The following DTWD2 variants were observed in gnomAD, a reference collection of about 807,000 sequenced individuals.
DTWD2 encodes the protein tRNA-uridine aminocarboxypropyltransferase 2.
Under a neutral mutation model 31.8 loss-of-function variants are expected in DTWD2, and 39 were observed. That is an observed-to-expected ratio of 1.22 (90% CI 0.95 to 1.60). The LOEUF (loss-of-function observed/expected upper bound fraction) is 1.60, where lower values mean the gene tolerates loss of function less well. DTWD2 is among the 40% of genes most tolerant of loss of function. The pLI is 0.00. For synonymous variants in DTWD2, 180 were observed against 142.8 expected (o/e 1.26, Z -1.86); for missense variants, 515 against 381.5 (o/e 1.35, Z -2.92).
intron 4 of DTWD2, among the ~76,000 whole-genome samples, chr5:118,926,332 T>C (rs1481796748): frequency 6.6e-6 from 1 of 152,092 alleles, no homozygotes. Context: ...TTCTCACTTA[T>C]AAGTGGGAGC....
chr5:118,951,215 G>A (rs1754456940), intron 1 of DTWD2, among the ~76,000 whole-genome samples: 1 of 152,176 alleles, frequency 6.6e-6, no homozygotes, highest in Non-Finnish European at 1.5e-5. Flanking sequence ...GACTGGGTGT[G>A]AGGAGAGGAG....
Position 118,969,382 on chromosome 5 carries a change from G to C in DTWD2, c.218+18912C>G, listed in dbSNP as rs936091180. ...GATCCTGTTCCCCCTGACTGGGTGA[G>C]AACTCCCAGTAGGGGCTCCAGACAC... On this transcript the variant is annotated intron_variant, in intron 1 of 5. Coordinates refer to ENST00000510708, the MANE Select transcript of DTWD2 (RefSeq NM_173666.4). Among the ~76,000 whole-genome samples the C allele has an allele frequency of 5.9e-5, 9 of 152,182 alleles. No individual in the cohort carries two copies. The East Asian group carries it at 1.5e-3, about 26-fold the overall frequency.
intron 4 of DTWD2, among the ~76,000 whole-genome samples, chr5:118,855,757 C>T (rs1208637270): frequency 6.6e-6 from 1 of 151,950 alleles, no homozygotes; most frequent in Non-Finnish European, 1.5e-5. Flanking sequence ...CTTTTCTAAA[C>T]ATAAAAAATG....
At chr5:118,912,981 C>G (rs1218519985) in intron 4 of DTWD2, among the ~76,000 whole-genome samples, 2 of 152,160 alleles carry the variant, frequency 1.3e-5, no homozygotes. Flanking sequence ...AGTCAACACT[C>G]GGTGCTGATA....
intron 4 of DTWD2, among the ~76,000 whole-genome samples, chr5:118,920,896 T>C (rs1753688755): frequency 6.6e-6 from 1 of 152,216 alleles, no homozygotes; most frequent in African/African-American, 2.4e-5. Flanking sequence ...CCACTAATTA[T>C]CTATGTAACC....
At chr5:118,955,446 C>T (rs1754563852) in intron 1 of DTWD2, among the ~76,000 whole-genome samples, 1 of 152,150 alleles carries the variant, frequency 6.6e-6, no homozygotes, top group Non-Finnish European at 1.5e-5. Flanking sequence ...CTGCTCTCCT[C>T]ATTCTAAAAT....
At chr5:118,885,894 G>A (rs11750860) in intron 4 of DTWD2, among the ~76,000 whole-genome samples, 5,941 of 152,274 alleles carry the variant, frequency 0.039, 160 homozygotes, top group Non-Finnish European at 0.056. Flanking sequence ...TTACCTGGCA[G>A]GTTGAGGCTG....
At chr5:118,873,305 G>A (rs983452240) in intron 4 of DTWD2, among the ~76,000 whole-genome samples, 4 of 152,286 alleles carry the variant, frequency 2.6e-5, no homozygotes, top group East Asian at 1.9e-4. Context: ...AGTCTTGCAC[G>A]TTAGATGGGG....
intron 1 of DTWD2, among the ~76,000 whole-genome samples, chr5:118,947,896 A>G (rs1754374782): frequency 6.6e-6 from 1 of 152,192 alleles, no homozygotes; most frequent in Non-Finnish European, 1.5e-5. Context: ...GATACTATTG[A>G]GGAACTTCAG....
At chr5:118,985,730 T>C (rs1333975950) in intron 1 of DTWD2, among the ~76,000 whole-genome samples, 1 of 152,048 alleles carries the variant, frequency 6.6e-6, no homozygotes, top group Non-Finnish European at 1.5e-5. Context: ...TGATGTCATA[T>C]AATTTAAATA....
At position 118,984,104 on chromosome 5, in the gene DTWD2, T is replaced by A. The variant is rs1377473385; in HGVS notation, c.218+4190A>T. 2.0e-5 allele frequency among the ~76,000 whole-genome samples: 3 copies of A among 152,180 alleles called. No homozygotes were observed. The East Asian group carries it at 5.8e-4, about 29-fold the overall frequency. The stretch of plus-strand genomic sequence containing the variant: ...AAGCTCGAGACCAGCCTGACCAACA[T>A]GGAGAAGCCCCATCTCTACTAAAAA... On this transcript the variant is annotated intron_variant, in intron 1 of 5. Coordinates refer to ENST00000510708, the MANE Select transcript of DTWD2 (RefSeq NM_173666.4).
intron 4 of DTWD2, among the ~76,000 whole-genome samples, chr5:118,856,653 T>C (rs557824304): frequency 6.6e-6 from 1 of 152,276 alleles, no homozygotes; most frequent in Admixed American, 6.5e-5. Flanking sequence ...CTACATTTAG[T>C]ATTATCAGAC....
chr5:118,978,315 G>A (rs1580453551), intron 1 of DTWD2, among the ~76,000 whole-genome samples: 1 of 152,272 alleles, frequency 6.6e-6, no homozygotes, highest in East Asian at 1.9e-4. Context: ...GTTGGCACGG[G>A]CCAAGATCTC....
chr5:118,842,770 T>TA (rs67399561), intron 5 of DTWD2, among the ~76,000 whole-genome samples: 280 of 141,984 alleles, frequency 2.0e-3, no homozygotes, highest in Admixed American at 3.6e-3. Flanking sequence ...CTGTTTCTAT[T>TA]AAAAAAAAAA....
chr5:118,900,709 A>G (rs113302119), intron 4 of DTWD2, among the ~76,000 whole-genome samples: 6,085 of 152,014 alleles, frequency 0.04, 402 homozygotes, highest in African/African-American at 0.14. Context: ...GGCAGATCAC[A>G]AGGTCAGGAG....
intron 4 of DTWD2, among the ~76,000 whole-genome samples, chr5:118,897,370 G>T (rs1272821519): frequency 6.6e-6 from 1 of 152,184 alleles, no homozygotes; most frequent in Non-Finnish European, 1.5e-5. Flanking sequence ...TTTACTGGAG[G>T]TTAGTCACCT....
chr5:118,986,212 A>T (rs944717147), intron 1 of DTWD2, among the ~76,000 whole-genome samples: 1 of 152,144 alleles, frequency 6.6e-6, no homozygotes, highest in East Asian at 1.9e-4. Context: ...AAAATTATAT[A>T]CGTTTGGGAA....
At chr5:118,873,654 G>A (rs192971110) in intron 4 of DTWD2, among the ~76,000 whole-genome samples, 105 of 152,286 alleles carry the variant, frequency 6.9e-4, no homozygotes, top group South Asian at 5.6e-3. Flanking sequence ...CCCACTGACG[G>A]CTCCCTTGGT....
intron 3 of DTWD2, among the ~76,000 whole-genome samples, chr5:118,933,985 A>G (rs1406912748): frequency 2.0e-5 from 3 of 151,156 alleles, no homozygotes; most frequent in African/African-American, 7.2e-5. Flanking sequence ...TTAATATACA[A>G]AAGTCAATTG....
Sources: allele counts gnomAD v4.1 joint callset (sites outside exome capture counted in the v4.1 genomes callset), GRCh38; gene constraint gnomAD v4.1.1; transcripts MANE v1.5; gene names NCBI Gene and HGNC (gene_info 2026-07-23, HGNC 2026-07-21).